The following GPAT4 variants were observed in gnomAD, a reference collection of about 807,000 sequenced individuals.
The protein encoded by GPAT4 is glycerol-3-phosphate acyltransferase 4, also known as 1-AGP acyltransferase 6.
In GPAT4, 17 loss-of-function variants were observed where a neutral mutation model predicts 58.0. The observed-to-expected ratio is 0.29, with a 90% CI of 0.20 to 0.44. The LOEUF (loss-of-function observed/expected upper bound fraction) is 0.44, where lower values mean the gene tolerates loss of function less well. GPAT4 is among the 20% of genes least tolerant of loss of function. The pLI is 1.00. For missense variants in GPAT4, 377 were observed against 574.5 expected, an observed-to-expected ratio of 0.66 and a Z score of 3.51; for synonymous variants, 204 against 210.1, an observed-to-expected ratio of 0.97 and a Z score of 0.25.
At chr8:41,601,795 A>T (rs1803106146) in intron 2 of GPAT4, among the ~76,000 whole-genome samples, 1 of 152,260 alleles carries the variant, frequency 6.6e-6, no homozygotes, top group Admixed American at 6.5e-5. Context: ...TGTGACTATT[A>T]TTTAAAATGT....
At position 41,609,472 on chromosome 8, in the gene GPAT4, G is replaced by A. The variant is rs1563276942; in HGVS notation, c.222G>A (p.Lys74=). The change falls in exon 3 of 13, where the codon AAG becomes AAA. Residue 74 remains lysine (K), a synonymous_variant. Transcript: ENST00000396987. ...AGGAGAAGAACCACCAGCTTTACAA[G>A]CCCTACACCAACGGTAAGATGGGGG... The part of the protein sequence containing the change: ...GAKEKNHQLY[K]PYTNGIIAKD... 6.2e-7 allele frequency: 1 copy of A among 1,614,138 alleles called. No homozygotes were observed. Among genetic ancestry groups the A allele is most frequent in the Non-Finnish European group, 8.5e-7 (1 of 1,180,026 alleles).
chr8:41,613,280 G>A (rs1304952179), intron 8 of GPAT4, among the ~76,000 whole-genome samples: 1 of 151,954 alleles, frequency 6.6e-6, no homozygotes, highest in Non-Finnish European at 1.5e-5. Flanking sequence ...CAGCTACTAG[G>A]GAGACTGAGG....
At chr8:41,581,301 C>G (rs994486939) in intron 1 of GPAT4, among the ~76,000 whole-genome samples, 1 of 152,164 alleles carries the variant, frequency 6.6e-6, no homozygotes, top group Non-Finnish European at 1.5e-5. Flanking sequence ...ACATGCCACA[C>G]AAACACAGAG....
intron 8 of GPAT4, among the ~76,000 whole-genome samples, chr8:41,613,704 C>T (rs887997599): frequency 7.2e-5 from 11 of 152,046 alleles, no homozygotes; most frequent in South Asian, 2.1e-4. Context: ...TTTGAGAGCC[C>T]GGGAGTTCGA....
chr8:41,610,445 C>A (rs1803407773), intron 4 of GPAT4: 1 of 1,289,496 alleles, frequency 7.8e-7, no homozygotes, highest in African/African-American at 1.5e-5. Flanking sequence ...CAGCAGGGAG[C>A]AGCCCTGTGG....
At chr8:41,600,036 C>CT (rs758905649) in intron 2 of GPAT4, among the ~76,000 whole-genome samples, 9,129 of 100,074 alleles carry the variant, frequency 0.091, 666 homozygotes, top group Middle Eastern at 0.17. Flanking sequence ...TTTTTCTTTT[C>CT]TTTTTTTTTT....
intron 1 of GPAT4, among the ~76,000 whole-genome samples, chr8:41,582,238 A>G (rs1278249115): frequency 6.8e-6 from 1 of 147,614 alleles, no homozygotes; most frequent in Admixed American, 6.8e-5. Flanking sequence ...TCCTGACCTC[A>G]GGTGATCCAC....
At chr8:41,583,110 C>G (rs963080679) in intron 1 of GPAT4, among the ~76,000 whole-genome samples, 1 of 151,908 alleles carries the variant, frequency 6.6e-6, no homozygotes, top group Non-Finnish European at 1.5e-5. Flanking sequence ...CCTGTAATCC[C>G]AGGTATGAGG....
At chr8:41,610,126 C>T (rs1488742158) in intron 4 of GPAT4, 171 bp downstream of exon 4, 8 of 1,427,584 alleles carry the variant, frequency 5.6e-6, no homozygotes, top group East Asian at 2.5e-5. Context: ...CCTTTAGAGG[C>T]CCTTGGATTC....
chr8:41,605,799 T>A (rs1236689792), intron 2 of GPAT4, among the ~76,000 whole-genome samples: 1 of 152,218 alleles, frequency 6.6e-6, no homozygotes, highest in Non-Finnish European at 1.5e-5. Flanking sequence ...CTCAAACTCC[T>A]GACCTCAAGT....
chr8:41,580,381 A>C (rs1336068141), intron 1 of GPAT4, among the ~76,000 whole-genome samples: 1 of 152,240 alleles, frequency 6.6e-6, no homozygotes, highest in Admixed American at 6.5e-5. Flanking sequence ...GCATCATCTC[A>C]GAAAGCCTTT....
chr8:41,586,100 C>A (rs1359629339), intron 1 of GPAT4, among the ~76,000 whole-genome samples: 1 of 152,224 alleles, frequency 6.6e-6, no homozygotes, highest in Non-Finnish European at 1.5e-5. Context: ...TCCCCACTCT[C>A]GCCAGCTCTA....
chr8:41,599,424 G>A, intron 2 of GPAT4, 120 bp downstream of exon 2: 1 of 1,231,302 alleles, frequency 8.1e-7, no homozygotes, highest in Non-Finnish European at 1.1e-6. Flanking sequence ...GGGAGAATGG[G>A]AAGTGGCTTT....
At chr8:41,610,142 A>G in intron 4 of GPAT4, 187 bp downstream of exon 4, 3 of 1,411,530 alleles carry the variant, frequency 2.1e-6, no homozygotes, top group Non-Finnish European at 2.8e-6. Flanking sequence ...GATTCTCTGC[A>G]TATCAGACAG....
intron 1 of GPAT4, among the ~76,000 whole-genome samples, chr8:41,581,073 T>C (rs1047800774): frequency 1.1e-4 from 16 of 152,250 alleles, no homozygotes; most frequent in African/African-American, 3.9e-4. Context: ...CATTATGACG[T>C]GTCTTTTACT....
intron 4 of GPAT4, chr8:41,610,433 G>C: frequency 7.9e-7 from 1 of 1,269,634 alleles, no homozygotes; most frequent in Non-Finnish European, 1.0e-6. Context: ...GGAAGGGGAG[G>C]GCAGCAGGGA....
At chr8:41,594,792 G>A (rs996996149) in intron 1 of GPAT4, among the ~76,000 whole-genome samples, 6 of 151,906 alleles carry the variant, frequency 3.9e-5, no homozygotes, top group African/African-American at 7.3e-5. Flanking sequence ...TGATCTGCCC[G>A]CCTCGGCCTC....
At chr8:41,618,582 G>A in intron 10 of GPAT4, 102 bp from the exon 11 acceptor site, 2 of 1,456,260 alleles carry the variant, frequency 1.4e-6, no homozygotes, top group Non-Finnish European at 1.9e-6. Context: ...CAGCACCCCA[G>A]TACCAGCACG....
At chr8:41,611,016 C>T (rs142664305) in intron 5 of GPAT4, among the ~76,000 whole-genome samples, 337 of 151,778 alleles carry the variant, frequency 2.2e-3, no homozygotes, top group African/African-American at 6.1e-3. Context: ...CACCTGAGGT[C>T]AGGAGTTTGA....
Sources: allele counts gnomAD v4.1 joint callset (sites outside exome capture counted in the v4.1 genomes callset), GRCh38; gene constraint gnomAD v4.1.1; transcripts MANE v1.5; gene names NCBI Gene and HGNC (gene_info 2026-07-23, HGNC 2026-07-21).